The following KDM4C variants were observed in gnomAD, a reference collection of about 807,000 sequenced individuals.
KDM4C encodes lysine demethylase 4C, also known as lysine-specific demethylase 4C.
In KDM4C, 81 loss-of-function variants were observed where a neutral mutation model predicts 129.3. That is an observed-to-expected ratio of 0.63 (90% CI 0.52 to 0.75). The LOEUF (loss-of-function observed/expected upper bound fraction) is 0.75, where lower values mean the gene tolerates loss of function less well. Ranked by LOEUF, KDM4C falls within the 30% of genes least tolerant of loss-of-function variation. The probability of loss-of-function intolerance (pLI) is 0.00; values close to 1 mark genes in which losing one functional copy is unlikely to be tolerated. For missense variants in KDM4C, 1,457 were observed against 1,304.0 expected (o/e 1.12, Z -1.81); for synonymous variants, 573 against 456.1 (o/e 1.26, Z -3.26).
At chr9:6,792,608 C>G (rs887840853) in intron 1 of KDM4C, among the ~76,000 whole-genome samples, 5 of 152,014 alleles carry the variant, frequency 3.3e-5, no homozygotes, top group Non-Finnish European at 2.9e-5. Context: ...AGTCTGGTCT[C>G]GAACTCCTGA....
intron 18 of KDM4C, among the ~76,000 whole-genome samples, chr9:7,105,251 C>A (rs143369098): frequency 1.6e-4 from 24 of 152,310 alleles, no homozygotes; most frequent in African/African-American, 5.3e-4. Flanking sequence ...GAGATGTGAA[C>A]AAGGTCGTGA....
At chr9:6,808,817 G>A (rs969580273) in intron 3 of KDM4C, among the ~76,000 whole-genome samples, 8 of 152,028 alleles carry the variant, frequency 5.3e-5, no homozygotes, top group Non-Finnish European at 8.8e-5. Context: ...ACTTCTTGAA[G>A]GGAGGAGTGT....
chr9:6,957,453 C>T (rs1177972473), intron 8 of KDM4C, among the ~76,000 whole-genome samples: 7 of 152,214 alleles, frequency 4.6e-5, no homozygotes, highest in African/African-American at 1.7e-4. Context: ...GAAAAGAAAC[C>T]TGCCTTTTGG....
chr9:7,171,576 A>AT (rs1258733170), intron 21 of KDM4C, among the ~76,000 whole-genome samples: 4 of 151,942 alleles, frequency 2.6e-5, no homozygotes, highest in Non-Finnish European at 4.4e-5. Flanking sequence ...TGGGTCTTTC[A>AT]TTTTCTAATC....
At chr9:6,891,370 C>G (rs542660974) in intron 7 of KDM4C, among the ~76,000 whole-genome samples, 5 of 152,228 alleles carry the variant, frequency 3.3e-5, no homozygotes, top group Non-Finnish European at 7.4e-5. Flanking sequence ...CCTGGGTGAA[C>G]TTTGAAAAGT....
At chr9:6,835,651 G>A in intron 4 of KDM4C, 1 of 755,608 alleles carries the variant, frequency 1.3e-6, no homozygotes, top group Non-Finnish European at 2.4e-6. Context: ...GATGAGATTG[G>A]CATGGCTTTA....
intron 1 of KDM4C, among the ~76,000 whole-genome samples, chr9:6,770,563 T>A (rs570841139): frequency 5.3e-4 from 80 of 152,074 alleles, no homozygotes; most frequent in Non-Finnish European, 9.1e-4. Context: ...ATCACATTCA[T>A]TTCCCTCAAG....
At chr9:6,861,324 C>T (rs1197651478) in intron 5 of KDM4C, among the ~76,000 whole-genome samples, 1 of 152,158 alleles carries the variant, frequency 6.6e-6, no homozygotes, top group East Asian at 1.9e-4. Flanking sequence ...GACCAGGTAT[C>T]ACAACTTGTA....
At chr9:6,755,432 TCAGGAGAATGAGGCACAAGG>T (rs1323620695), upstream of KDM4C, among the ~76,000 whole-genome samples, 4 of 150,874 alleles carry the variant, frequency 2.7e-5, no homozygotes, top group Admixed American at 2.6e-4. Context: ...TGCCAGCTGC[TCAGGAGAATGAGGCACAAGG>T]CACGAGAATT....
At chr9:6,769,787 C>T (rs1186029039) in intron 1 of KDM4C, among the ~76,000 whole-genome samples, 1 of 152,158 alleles carries the variant, frequency 6.6e-6, no homozygotes, top group Non-Finnish European at 1.5e-5. Flanking sequence ...ATTTGTTTTG[C>T]TGTTTAACAA....
At chr9:6,731,302 G>A (rs1280673350) in intron 1 of KDM4C, among the ~76,000 whole-genome samples, 3 of 148,834 alleles carry the variant, frequency 2.0e-5, no homozygotes, top group African/African-American at 7.4e-5. Flanking sequence ...ACATTTAACA[G>A]AAGCAACTAC....
In KDM4C at chr9:6,799,597, GGGGAGACGGGAGAC is replaced by G. The variant is rs1428812367; in HGVS notation, c.145-5988_145-5975del. 2.5e-4 allele frequency among the ~76,000 whole-genome samples: 35 copies of G among 141,982 alleles called. No individual in the cohort carries two copies. In the South Asian group the frequency reaches 2.6e-3, roughly 10 times the overall value. 93.1% of individuals were successfully genotyped at this position (141,982 alleles called of 152,430 possible). On this transcript the variant is annotated intron_variant, in intron 2 of 21. Transcript: ENST00000381309. Reference sequence around the variant, plus strand: ...AGGGATGAGAGGGAGACCGTGGAAAGGGGAGACGGGAGACGGGAGACGGGAGAGGGCTCTTTTTT... The same window carrying G: ...AGGGATGAGAGGGAGACCGTGGAAAGGGGAGACGGGAGAGGGCTCTTTTTT...
At chr9:6,833,123 A>G (rs1314873576) in intron 4 of KDM4C, among the ~76,000 whole-genome samples, 1 of 151,670 alleles carries the variant, frequency 6.6e-6, no homozygotes, top group African/African-American at 2.4e-5. Context: ...CTGTTTTAGT[A>G]TATGTTGAGA....
At chr9:6,923,607 G>A (rs551487663) in intron 8 of KDM4C, among the ~76,000 whole-genome samples, 1 of 152,294 alleles carries the variant, frequency 6.6e-6, no homozygotes, top group South Asian at 2.1e-4. Context: ...ACAGAACATA[G>A]AATACCCATA....
At chr9:7,114,132 G>A (rs1468396623) in intron 18 of KDM4C, among the ~76,000 whole-genome samples, 1 of 152,160 alleles carries the variant, frequency 6.6e-6, no homozygotes, top group Non-Finnish European at 1.5e-5. Flanking sequence ...GAGGAGAGGG[G>A]CTGCTACCAT....
intron 13 of KDM4C, among the ~76,000 whole-genome samples, chr9:7,012,141 T>A (rs995516723): frequency 2.6e-5 from 4 of 152,198 alleles, no homozygotes; most frequent in African/African-American, 4.8e-5. Context: ...CAATCATGAC[T>A]CCGTGCAGGC....
chr9:6,996,265 T>G, intron 12 of KDM4C, among the ~76,000 whole-genome samples: 1 of 152,194 alleles, frequency 6.6e-6, no homozygotes, highest in East Asian at 1.9e-4. Flanking sequence ...CTCCAGAACT[T>G]CCCTTGAAGT....
intron 8 of KDM4C, among the ~76,000 whole-genome samples, chr9:6,914,081 C>T (rs899747522): frequency 2.8e-4 from 42 of 151,832 alleles, no homozygotes; most frequent in African/African-American, 9.4e-4. Flanking sequence ...TTTTTTGAGA[C>T]GGAGTTTTGC....
At chr9:6,857,145 C>T (rs1840006870) in intron 5 of KDM4C, among the ~76,000 whole-genome samples, 2 of 152,124 alleles carry the variant, frequency 1.3e-5, no homozygotes, top group South Asian at 2.1e-4. Context: ...AGGCATGAGC[C>T]ACCATGCCTG....
Sources: allele counts gnomAD v4.1 joint callset (sites outside exome capture counted in the v4.1 genomes callset), GRCh38; gene constraint gnomAD v4.1.1; transcripts MANE v1.5; gene names NCBI Gene and HGNC (gene_info 2026-07-23, HGNC 2026-07-21).